NEGR1: variants seen among roughly 807,000 people sequenced by gnomAD.
The protein encoded by NEGR1 is neuronal growth regulator 1.
NEGR1 carries 10 observed loss-of-function variants against 40.9 expected under a neutral mutation model. That is an observed-to-expected ratio of 0.24 (90% CI 0.15 to 0.42). The LOEUF (loss-of-function observed/expected upper bound fraction) is 0.42, where lower values mean the gene tolerates loss of function less well. Ranked by LOEUF, NEGR1 falls within the 10% of genes least tolerant of loss-of-function variation. The pLI is 1.00. For synonymous variants in NEGR1, 185 were observed against 166.8 expected, an observed-to-expected ratio of 1.11 and a Z score of -0.84; for missense variants, 352 against 438.9, an observed-to-expected ratio of 0.80 and a Z score of 1.77.
intron 1 of NEGR1, among the ~76,000 whole-genome samples, chr1:72,126,989 ACTAT>A (rs1364638523): frequency 6.6e-6 from 1 of 152,224 alleles, no homozygotes; most frequent in East Asian, 1.9e-4. Flanking sequence ...GGAGGGAGTC[ACTAT>A]CTGTCTCTCC....
intron 6 of NEGR1, among the ~76,000 whole-genome samples, chr1:71,432,848 G>A (rs901236597): frequency 6.6e-5 from 10 of 152,190 alleles, no homozygotes; most frequent in Non-Finnish European, 7.3e-5. Flanking sequence ...CTCCTGGATG[G>A]TGTTGGAAGA....
chr1:71,490,401 G>T (rs2101384186), intron 6 of NEGR1, among the ~76,000 whole-genome samples: 1 of 151,972 alleles, frequency 6.6e-6, no homozygotes, highest in South Asian at 2.1e-4. Context: ...ACAACATAAA[G>T]GATATAAAGG....
intron 6 of NEGR1, among the ~76,000 whole-genome samples, chr1:71,466,839 A>AT (rs1646749311): frequency 6.6e-6 from 1 of 152,130 alleles, no homozygotes; most frequent in Non-Finnish European, 1.5e-5. Flanking sequence ...TCAACTGTTG[A>AT]TCTTGTTTAA....
chr1:71,434,010 A>T (rs1646487886), intron 6 of NEGR1, among the ~76,000 whole-genome samples: 1 of 152,210 alleles, frequency 6.6e-6, no homozygotes, highest in South Asian at 2.1e-4. Flanking sequence ...GCCTTGTTTC[A>T]ATGGCTGGTC....
intron 1 of NEGR1, among the ~76,000 whole-genome samples, chr1:72,151,599 T>C (rs956058700): frequency 6.6e-6 from 1 of 151,796 alleles, no homozygotes; most frequent in African/African-American, 2.4e-5. Flanking sequence ...CTCTCATTAT[T>C]ACTATGCAAA....
chr1:72,156,818 T>C (rs1651374715), intron 1 of NEGR1, among the ~76,000 whole-genome samples: 1 of 152,182 alleles, frequency 6.6e-6, no homozygotes, highest in African/African-American at 2.4e-5. Context: ...TTTTTTGTAT[T>C]ACTGTCTGCT....
intron 4 of NEGR1, among the ~76,000 whole-genome samples, chr1:71,644,411 C>T (rs920841222): frequency 1.3e-5 from 2 of 151,790 alleles, no homozygotes; most frequent in Non-Finnish European, 2.9e-5. Context: ...CTCTTTTTTC[C>T]ATAATGTTTA....
At chr1:71,594,904 C>T (rs1307282510) in intron 5 of NEGR1, among the ~76,000 whole-genome samples, 1 of 152,188 alleles carries the variant, frequency 6.6e-6, no homozygotes, top group Non-Finnish European at 1.5e-5. Context: ...CCCTGTTGTG[C>T]TCCATCGACC....
At chr1:72,065,554 G>C (rs902748225) in intron 1 of NEGR1, among the ~76,000 whole-genome samples, 8 of 152,122 alleles carry the variant, frequency 5.3e-5, no homozygotes, top group African/African-American at 1.9e-4. Context: ...ACTAAGAGCT[G>C]TGTGGAAAAG....
intron 2 of NEGR1, among the ~76,000 whole-genome samples, chr1:71,925,659 T>C (rs1645765640): frequency 6.6e-6 from 1 of 152,136 alleles, no homozygotes; most frequent in Non-Finnish European, 1.5e-5. Context: ...TCAGTTGGCA[T>C]TTAACTAATG....
intron 2 of NEGR1, among the ~76,000 whole-genome samples, chr1:71,873,464 C>A (rs1229452117): frequency 6.6e-6 from 1 of 152,012 alleles, no homozygotes; most frequent in African/African-American, 2.4e-5. Flanking sequence ...CGTTATATGA[C>A]CCTGGACCAG....
At chr1:71,432,900 G>T (rs893804555) in intron 6 of NEGR1, among the ~76,000 whole-genome samples, 33 of 152,264 alleles carry the variant, frequency 2.2e-4, no homozygotes, top group Non-Finnish European at 4.1e-4. Flanking sequence ...TAATAGATTT[G>T]TATGTCTTTT....
intron 5 of NEGR1, among the ~76,000 whole-genome samples, chr1:71,603,088 A>G (rs1649976241): frequency 6.6e-6 from 1 of 152,246 alleles, no homozygotes; most frequent in Admixed American, 6.5e-5. Context: ...TAGAAATGCA[A>G]GTTTCTTCAA....
chr1:72,186,169 C>T (rs528963375), intron 1 of NEGR1, among the ~76,000 whole-genome samples: 1 of 151,660 alleles, frequency 6.6e-6, no homozygotes, highest in South Asian at 2.1e-4. Flanking sequence ...TGGAAAATAT[C>T]ATGTAACAAA....
At chr1:71,845,362 T>C (rs1268570468) in intron 2 of NEGR1, among the ~76,000 whole-genome samples, 7 of 152,060 alleles carry the variant, frequency 4.6e-5, no homozygotes, top group Non-Finnish European at 8.8e-5. Flanking sequence ...AAAGTTATTA[T>C]TATATTTAAA....
At chr1:71,655,030 C>T (rs1000495147) in intron 4 of NEGR1, among the ~76,000 whole-genome samples, 3 of 152,108 alleles carry the variant, frequency 2.0e-5, no homozygotes, top group African/African-American at 7.2e-5. Context: ...AATTTCAGTT[C>T]TGTTTTTGGC....
chr1:71,520,420 C>T (rs58766251), intron 6 of NEGR1, among the ~76,000 whole-genome samples: 2,167 of 152,130 alleles, frequency 0.014, 40 homozygotes, highest in African/African-American at 0.049. Context: ...TCGAAGCAAA[C>T]TCAGTTGCAT....
At chr1:71,446,337 A>C (rs1646582419) in intron 6 of NEGR1, among the ~76,000 whole-genome samples, 1 of 152,126 alleles carries the variant, frequency 6.6e-6, no homozygotes, top group Non-Finnish European at 1.5e-5. Flanking sequence ...AGGAGGTTTC[A>C]TGTTGTTTTA....
intron 2 of NEGR1, among the ~76,000 whole-genome samples, chr1:71,929,932 A>G (rs113252930): frequency 6.6e-5 from 10 of 152,108 alleles, no homozygotes; most frequent in South Asian, 2.1e-4. Flanking sequence ...ATGGCTTTAT[A>G]CTTGTGGCCA....
Sources: allele counts gnomAD v4.1 joint callset (sites outside exome capture counted in the v4.1 genomes callset), GRCh38; gene constraint gnomAD v4.1.1; transcripts MANE v1.5; gene names NCBI Gene and HGNC (gene_info 2026-07-23, HGNC 2026-07-21).